ZNF800: variants seen among roughly 807,000 people sequenced by gnomAD.
The protein encoded by ZNF800 is zinc finger protein 800.
A neutral mutation model predicts 59.5 loss-of-function variants in ZNF800; 13 were observed. The ratio of observed to expected loss-of-function variants is 0.22; its 90% CI spans 0.14 to 0.35. The LOEUF (loss-of-function observed/expected upper bound fraction) is 0.35, where lower values mean the gene tolerates loss of function less well. Among genes scored for constraint, ZNF800 ranks in the 10% least tolerant of loss-of-function variants. The pLI, the probability that ZNF800 is intolerant of heterozygous loss-of-function variation, is 1.00. For synonymous variants in ZNF800, 266 were observed against 265.7 expected (o/e 1.00, Z -0.01); for missense variants, 621 against 783.7 (o/e 0.79, Z 2.48).
intron 1 of ZNF800, chr7:127,362,570 G>C (rs1800415565): frequency 6.6e-6 from 1 of 152,100 alleles, no homozygotes; most frequent in South Asian, 2.1e-4. Context: ...TATGTTTTAA[G>C]TGTTACTATG....
In ZNF800 at chr7:127,377,338, A is replaced by T. The variant is rs1562906308; in HGVS notation, c.158-9T>A. The T allele has an allele frequency of 6.3e-7, 1 of 1,582,220 alleles. No individual in the cohort carries two copies. The highest frequency in any genetic ancestry group is 8.6e-7 in the Non-Finnish European group (1 of 1,165,692). ...CTTAAGTTGTTTAGTTCCTGAGAGA[A>T]AAAAGAAAAGAAAAACTTAACACAA... On this transcript the variant is annotated splice_polypyrimidine_tract_variant and intron_variant, in intron 3 of 5. Transcript: ENST00000265827. This position sits in a 1 kb window ranked among gnomAD's most constrained non-coding sequence, Gnocchi z 4.7.
Position 127,373,715 on chromosome 7 carries a change from C to G in ZNF800, c.1621G>C (p.Val541Leu). 1 of 1,614,120 alleles carries G rather than the reference C, an allele frequency of 6.2e-7. No homozygotes were observed. The highest frequency in any genetic ancestry group is 8.5e-7 in the Non-Finnish European group (1 of 1,180,012). ...AGATAACGAGATGACTTTTTATGAA[C>G]CACAGTTATATGTCGTATCACATCA... ...KRDVIRHITVVHKKSSRYLGK... is the reference protein window; with the variant it reads ...KRDVIRHITVLHKKSSRYLGK... The change falls in exon 5 of 6, where the codon GTT (valine) becomes CTT (leucine). Residue 541 changes from valine (V) to leucine (L), a missense_variant. Val to Leu is a conservative substitution (Grantham distance 32, BLOSUM62 1). Coordinates refer to ENST00000265827, the MANE Select transcript of ZNF800 (RefSeq NM_176814.5).
At chr7:127,359,184 T>A (rs1301956811) in intron 1 of ZNF800, among the ~76,000 whole-genome samples, 1 of 151,838 alleles carries the variant, frequency 6.6e-6, no homozygotes, top group Non-Finnish European at 1.5e-5. Context: ...CCTGTTTGCC[T>A]GCATACCTAG....
chr7:127,381,974 G>A (rs922183844), intron 3 of ZNF800, among the ~76,000 whole-genome samples: 1 of 151,154 alleles, frequency 6.6e-6, no homozygotes, highest in South Asian at 2.1e-4. Flanking sequence ...AATTTAGAAA[G>A]ATAATGACAG....
At position 127,371,389 on chromosome 7, in the gene ZNF800, T is replaced by C. The variant is rs1800627733; in HGVS notation, c.*425A>G. The C allele has an allele frequency of 6.4e-6, 1 of 155,854 alleles. No homozygotes were observed. The highest frequency in any genetic ancestry group is 2.4e-5 in the African/African-American group (1 of 41,594). The allele number at this position is 155,854 out of a possible 1,614,324, so 9.7% of individuals were successfully genotyped here. On this transcript the variant is annotated 3_prime_UTR_variant, in exon 6 of 6. Coordinates refer to ENST00000265827, the MANE Select transcript of ZNF800 (RefSeq NM_176814.5). ...TATATCTATACAATTCAGATGAAAA[T>C]GTTGCCAAATAAAGAGAAACAAAAC...
chr7:127,374,797 G>C lies in ZNF800; in HGVS notation c.539C>G (p.Thr180Arg). 6.2e-7 allele frequency: 1 copy of C among 1,613,404 alleles called. No homozygotes were observed. Residue 180 changes from threonine to arginine, a missense_variant, in exon 5 of 6, where the codon ACA becomes AGA. Thr to Arg is a moderately conservative substitution (Grantham distance 71). Coordinates refer to ENST00000265827, the MANE Select transcript of ZNF800 (RefSeq NM_176814.5). ...CACCTCTGTATCTGTAACCGGTACT[G>C]TTTTTGACTGTTCAGTGCTAGTTTC... Reference protein sequence around the residue: ...IQETSTEQSKTVPVTDTEVET... With the variant: ...IQETSTEQSKRVPVTDTEVET...
At chr7:127,375,991 A>G (rs1800780163) in intron 4 of ZNF800, among the ~76,000 whole-genome samples, 1 of 151,952 alleles carries the variant, frequency 6.6e-6, no homozygotes, top group Non-Finnish European at 1.5e-5. Context: ...TCCATTTACC[A>G]TTTCACTCTA....
downstream of ZNF800, among the ~76,000 whole-genome samples, chr7:127,345,055 T>G (rs1046357716): frequency 6.6e-6 from 1 of 152,210 alleles, no homozygotes; most frequent in African/African-American, 2.4e-5. Flanking sequence ...GCAAAATGTC[T>G]GCAGCATGCA....
intron 3 of ZNF800, among the ~76,000 whole-genome samples, chr7:127,380,222 C>A (rs1167361196): frequency 2.6e-5 from 4 of 152,018 alleles, no homozygotes; most frequent in Admixed American, 2.6e-4. Flanking sequence ...AATTTCTTTT[C>A]CATATCGCCA....
intron 1 of ZNF800, among the ~76,000 whole-genome samples, chr7:127,354,896 TA>T (rs1800238916): frequency 1.3e-5 from 2 of 151,928 alleles, no homozygotes; most frequent in East Asian, 3.9e-4. Flanking sequence ...GGTGGTGAAA[TA>T]AAATAACTAT....
At chr7:127,345,007 A>G (rs115812702), downstream of ZNF800, among the ~76,000 whole-genome samples, 277 of 152,352 alleles carry the variant, frequency 1.8e-3, 1 homozygote, top group African/African-American at 5.8e-3. Flanking sequence ...TGTTTATCAA[A>G]GACATCATGG....
intron 1 of ZNF800, among the ~76,000 whole-genome samples, chr7:127,353,255 G>A (rs1157093112): frequency 2.6e-5 from 4 of 152,152 alleles, no homozygotes; most frequent in African/African-American, 9.7e-5. Flanking sequence ...TTTGTTTTCT[G>A]ACATCATCTC....
chr7:127,349,060 C>T (rs1229972808), intron 1 of ZNF800, among the ~76,000 whole-genome samples: 2 of 151,624 alleles, frequency 1.3e-5, no homozygotes, highest in Non-Finnish European at 2.9e-5. Context: ...ATAATTTCCA[C>T]TTTAGAAAAA....
At chr7:127,391,170 G>A (rs1381791745) in intron 2 of ZNF800, among the ~76,000 whole-genome samples, 1 of 152,032 alleles carries the variant, frequency 6.6e-6, no homozygotes, top group African/African-American at 2.4e-5. Context: ...AGTATTCTAT[G>A]TTTTCCTTTC....
rs1801325412 is a variant in ZNF800 at position 127,391,720 on chromosome 7, C to A, written c.-58-105G>T. On this transcript the variant is annotated intron_variant, in intron 1 of 5. Coordinates refer to ENST00000265827, the MANE Select transcript of ZNF800 (RefSeq NM_176814.5). The stretch of plus-strand genomic sequence containing the variant: ...TCATCAGCTCTCCGCTTTCCCTCCA[C>A]GGACCCGCACCTCCCTCTCGAAAAG... 5.2e-5 allele frequency: 34 copies of A among 655,016 alleles called. No homozygotes were observed. The South Asian group carries it at 5.4e-4, about 10-fold the overall frequency. 40.6% of individuals were successfully genotyped at this position (655,016 alleles called of 1,614,324 possible). A position where few individuals can be genotyped will look rare whatever the true frequency, so the allele number is the denominator to read the frequency against.
At chr7:127,382,510 C>A (rs1337232965) in intron 3 of ZNF800, among the ~76,000 whole-genome samples, 2 of 152,022 alleles carry the variant, frequency 1.3e-5, no homozygotes, top group African/African-American at 4.8e-5. Context: ...GAAACATGAT[C>A]CTATCAGAAT....
intron 3 of ZNF800, among the ~76,000 whole-genome samples, chr7:127,384,363 A>G (rs926216936): frequency 3.3e-5 from 5 of 150,360 alleles, no homozygotes; most frequent in African/African-American, 1.2e-4. Context: ...CCTCTCGAGT[A>G]GCTGAGACTA....
intron 1 of ZNF800, among the ~76,000 whole-genome samples, chr7:127,349,116 A>C (rs1476444213): frequency 6.6e-6 from 1 of 152,198 alleles, no homozygotes; most frequent in Non-Finnish European, 1.5e-5. Flanking sequence ...TGTAATTTCC[A>C]GACTTGGGAA....
intron 4 of ZNF800, among the ~76,000 whole-genome samples, chr7:127,376,554 T>G (rs1587443291): frequency 6.6e-6 from 1 of 151,980 alleles, no homozygotes; most frequent in Non-Finnish European, 1.5e-5. Flanking sequence ...GCTATCTGCC[T>G]TTATCACATA....
Sources: allele counts gnomAD v4.1 joint callset (sites outside exome capture counted in the v4.1 genomes callset), GRCh38; gene constraint gnomAD v4.1.1; non-coding constraint Gnocchi (gnomAD v3.1); transcripts MANE v1.5; gene names NCBI Gene and HGNC (gene_info 2026-07-23, HGNC 2026-07-21).